PDCD1LG2: variants seen among roughly 807,000 people sequenced by gnomAD.
PDCD1LG2 encodes the protein B7 dendritic cell molecule.
A neutral mutation model predicts 28.2 loss-of-function variants in PDCD1LG2; 32 were observed. That is an observed-to-expected ratio of 1.13 (90% CI 0.86 to 1.52). The LOEUF (loss-of-function observed/expected upper bound fraction) is 1.52. Among genes scored for constraint, PDCD1LG2 ranks in the 40% most tolerant of loss-of-function variants. The probability of loss-of-function intolerance (pLI) is 0.00; values close to 1 mark genes in which losing one functional copy is unlikely to be tolerated. For missense variants in PDCD1LG2, 385 were observed against 323.8 expected (o/e 1.19, Z -1.45); for synonymous variants, 116 against 120.2 (o/e 0.97, Z 0.23).
intron 4 of PDCD1LG2, among the ~76,000 whole-genome samples, chr9:5,554,053 G>C (rs1212736160): frequency 6.6e-6 from 1 of 152,068 alleles, no homozygotes; most frequent in African/African-American, 2.4e-5. Context: ...GGGCACAAGG[G>C]GGTCTTTCCC....
rs111625558 is a variant in PDCD1LG2 at position 5,536,161 on chromosome 9, G to A, written c.361+1111G>A. Reference sequence around the variant, plus strand: ...GGACATGAGGATGAATATTGTGTTCGCCCTTATCCTTGGGCAGGTTATTTT... The same window carrying A: ...GGACATGAGGATGAATATTGTGTTCACCCTTATCCTTGGGCAGGTTATTTT... On this transcript the variant is annotated intron_variant, in intron 3 of 6. Transcript: ENST00000397747. Among the ~76,000 whole-genome samples, 584 of 152,268 alleles carry A rather than the reference G, an allele frequency of 3.8e-3. 2 individuals are homozygous for A. The highest frequency in any genetic ancestry group is 0.013 in the African/African-American group (549 of 41,538).
chr9:5,555,387 A>G (rs778915903), intron 4 of PDCD1LG2, among the ~76,000 whole-genome samples: 2 of 152,238 alleles, frequency 1.3e-5, no homozygotes, highest in Non-Finnish European at 2.9e-5. Flanking sequence ...ACTGCACTCC[A>G]GCCTGGGCAA....
chr9:5,510,996 T>C (rs1820046754), intron 1 of PDCD1LG2, among the ~76,000 whole-genome samples, 193 bp downstream of exon 1: 3 of 152,246 alleles, frequency 2.0e-5, no homozygotes, highest in African/African-American at 7.2e-5. Context: ...CACTTGTTCC[T>C]ATGCATATTG....
chr9:5,546,686 C>A (rs567233462), intron 3 of PDCD1LG2, among the ~76,000 whole-genome samples: 1 of 152,274 alleles, frequency 6.6e-6, no homozygotes, highest in South Asian at 2.1e-4. Context: ...AGAGACACAT[C>A]CTCTTATGGT....
rs55959735 is a variant in PDCD1LG2 at position 5,557,975 on chromosome 9, G to C, written c.766+223G>C. 1.2e-3 allele frequency among the ~76,000 whole-genome samples: 186 copies of C among 152,274 alleles called. 5 individuals carry two copies. In the East Asian group the frequency reaches 0.032, roughly 26 times the overall value. ...CTGAGTTTTTTAAAGGGAATGTTTT[G>C]TTCTTATGTCTGAAAGAGTTTGTCT... is the stretch of plus-strand genomic sequence containing the variant. On this transcript the variant is annotated intron_variant, in intron 5 of 6. Transcript: ENST00000397747.
chr9:5,548,994 C>T (rs1191327665), intron 3 of PDCD1LG2, among the ~76,000 whole-genome samples: 4 of 152,214 alleles, frequency 2.6e-5, no homozygotes, highest in Admixed American at 2.6e-4. Context: ...GCTTGGACCA[C>T]TGTTGAGGTC....
chr9:5,539,018 T>C (rs1331664902), intron 3 of PDCD1LG2, among the ~76,000 whole-genome samples: 1 of 152,196 alleles, frequency 6.6e-6, no homozygotes, highest in Non-Finnish European at 1.5e-5. Flanking sequence ...AGCTATATAC[T>C]GTTGTTAAAT....
chr9:5,529,371 A>G (rs1431037249), intron 2 of PDCD1LG2, among the ~76,000 whole-genome samples: 1 of 152,186 alleles, frequency 6.6e-6, no homozygotes. Context: ...TTACATGTAG[A>G]TGTTCAGTTG....
At chr9:5,516,105 G>A (rs1042096088) in intron 1 of PDCD1LG2, among the ~76,000 whole-genome samples, 2 of 151,938 alleles carry the variant, frequency 1.3e-5, no homozygotes, top group East Asian at 1.9e-4. Flanking sequence ...GGGCTGGAGT[G>A]CAGTGGCGCA....
chr9:5,535,491 T>C (rs1211816337), intron 3 of PDCD1LG2, among the ~76,000 whole-genome samples: 1 of 152,212 alleles, frequency 6.6e-6, no homozygotes. Context: ...AGCAACCAGA[T>C]GCACGTTTCC....
intron 3 of PDCD1LG2, among the ~76,000 whole-genome samples, chr9:5,539,367 G>A (rs576093108): frequency 1.2e-4 from 18 of 152,298 alleles, no homozygotes; most frequent in African/African-American, 3.9e-4. Flanking sequence ...GAATGAAGTA[G>A]GACTAGAAGA....
intron 2 of PDCD1LG2, 104 bp from the exon 3 acceptor site, chr9:5,534,641 G>A (rs1214686651): frequency 2.0e-6 from 2 of 999,696 alleles, no homozygotes; most frequent in East Asian, 2.5e-5. Flanking sequence ...TAAGACAGGT[G>A]CCTTTTGGAA....
intron 3 of PDCD1LG2, among the ~76,000 whole-genome samples, chr9:5,546,287 G>A (rs940705726): frequency 8.5e-5 from 13 of 152,122 alleles, no homozygotes; most frequent in South Asian, 2.1e-4. Flanking sequence ...TAGTGGGCTG[G>A]ACCCTCACCC....
At chr9:5,542,219 A>T (rs1252825150) in intron 3 of PDCD1LG2, among the ~76,000 whole-genome samples, 1 of 152,250 alleles carries the variant, frequency 6.6e-6, no homozygotes, top group East Asian at 1.9e-4. Context: ...ACCTGAAACC[A>T]TAACGATTCT....
intron 6 of PDCD1LG2, among the ~76,000 whole-genome samples, chr9:5,565,908 G>A (rs555258528): frequency 6.6e-6 from 1 of 151,928 alleles, no homozygotes; most frequent in Non-Finnish European, 1.5e-5. Flanking sequence ...CTGATTTTAT[G>A]AGTATAAAAA....
At chr9:5,564,029 T>C (rs575928459) in intron 6 of PDCD1LG2, among the ~76,000 whole-genome samples, 1 of 152,278 alleles carries the variant, frequency 6.6e-6, no homozygotes, top group Non-Finnish European at 1.5e-5. Flanking sequence ...ATAGCCAAGA[T>C]GACACATAAA....
At chr9:5,517,911 A>G (rs1820198362) in intron 1 of PDCD1LG2, among the ~76,000 whole-genome samples, 1 of 152,242 alleles carries the variant, frequency 6.6e-6, no homozygotes, top group Non-Finnish European at 1.5e-5. Context: ...AGGTAAAAAT[A>G]GCAGTGAGAA....
chr9:5,514,088 T>C (rs1820111037), intron 1 of PDCD1LG2, among the ~76,000 whole-genome samples: 1 of 152,216 alleles, frequency 6.6e-6, no homozygotes, highest in South Asian at 2.1e-4. Flanking sequence ...AATGAAGTAT[T>C]TTACAAACAT....
rs151227311 is a variant in PDCD1LG2 at position 5,549,370 on chromosome 9, G to C, written c.397G>C (p.Val133Leu). The C allele has an allele frequency of 1.2e-6, 2 of 1,613,988 alleles. No individual in the cohort carries two copies. Among genetic ancestry groups the C allele is most frequent in the Non-Finnish European group, 1.7e-6 (2 of 1,179,948 alleles). The change falls in exon 4 of 7, where the codon GTT becomes CTT. Residue 133 changes from valine (V) to leucine (L), a missense_variant. Coordinates refer to ENST00000397747, the MANE Select transcript of PDCD1LG2 (RefSeq NM_025239.4). ...YRKINTHILK[V>L]PETDEVELTC... ...GAAAATAAACACTCACATCCTAAAG[G>C]TTCCAGAAACAGATGAGGTAGAGCT... is the stretch of plus-strand genomic sequence containing the variant.
Sources: allele counts gnomAD v4.1 joint callset (sites outside exome capture counted in the v4.1 genomes callset), GRCh38; gene constraint gnomAD v4.1.1; transcripts MANE v1.5; gene names NCBI Gene and HGNC (gene_info 2026-07-23, HGNC 2026-07-21).